Variants in CNKSR2 observed in about 807,000 individuals in gnomAD.
CNKSR2 encodes CNK homolog protein 2.
A neutral mutation model predicts 84.4 loss-of-function variants in CNKSR2; 14 were observed. The ratio of observed to expected loss-of-function variants is 0.17; its 90% CI spans 0.11 to 0.26. The LOEUF (loss-of-function observed/expected upper bound fraction) is 0.26. CNKSR2 is among the 10% of genes least tolerant of loss of function. The probability of loss-of-function intolerance (pLI) is 1.00; values close to 1 mark genes in which losing one functional copy is unlikely to be tolerated. For synonymous variants in CNKSR2, 275 were observed against 277.9 expected (o/e 0.99, Z 0.10); for missense variants, 485 against 771.2 (o/e 0.63, Z 4.40).
intron 11 of CNKSR2, among the ~76,000 whole-genome samples, chrX:21,560,251 AGT>A (rs2092176018): frequency 1.8e-5 from 2 of 111,161 alleles, no homozygotes; most frequent in South Asian, 7.6e-4. Context: ...GACAGGAATG[AGT>A]GTGAGAGAGA....
At chrX:21,588,743 A>G (rs899788958) in intron 13 of CNKSR2, among the ~76,000 whole-genome samples, 4 of 112,097 alleles carry the variant, frequency 3.6e-5, no homozygotes, top group African/African-American at 9.7e-5. Context: ...ATAGCATGCA[A>G]AAAGCATAGA....
chrX:21,578,588 T>C (rs2030526061), intron 13 of CNKSR2, among the ~76,000 whole-genome samples: 1 of 106,981 alleles, frequency 9.3e-6, no homozygotes, highest in African/African-American at 3.4e-5. Context: ...ACACGTTGTA[T>C]ATAAAATTAT....
At chrX:21,441,299 T>C (rs1005939091) in intron 4 of CNKSR2, 2 of 111,283 alleles carry the variant, frequency 1.8e-5, no homozygotes, top group African/African-American at 6.5e-5. Flanking sequence ...TCTACTGTTA[T>C]GTGATGATAT....
chrX:21,380,557 A>G (rs1383535623), intron 1 of CNKSR2, among the ~76,000 whole-genome samples: 2 of 104,736 alleles, frequency 1.9e-5, no homozygotes, highest in Admixed American at 2.1e-4. Flanking sequence ...AGTGATTCTC[A>G]TGCCTCAACC....
At chrX:21,566,854 G>A (rs2092243579) in intron 13 of CNKSR2, among the ~76,000 whole-genome samples, 1 of 111,352 alleles carries the variant, frequency 9.0e-6, no homozygotes, top group African/African-American at 3.3e-5. Context: ...TGGCTTCAGG[G>A]TTCAACTCAT....
intron 4 of CNKSR2, among the ~76,000 whole-genome samples, chrX:21,444,205 A>G (rs1045041206): frequency 8.9e-6 from 1 of 111,821 alleles, no homozygotes; most frequent in African/African-American, 3.2e-5. Flanking sequence ...AAATTTTGTT[A>G]AAATGAATAG....
intron 1 of CNKSR2, among the ~76,000 whole-genome samples, chrX:21,385,665 T>C (rs1235810497): frequency 8.9e-6 from 1 of 112,027 alleles, no homozygotes; most frequent in African/African-American, 3.2e-5. Flanking sequence ...GTTTTAAGTA[T>C]TGATTTCTGA....
At chrX:21,449,303 CA>C (rs11308049) in intron 4 of CNKSR2, among the ~76,000 whole-genome samples, 16,378 of 44,020 alleles carry the variant, frequency 0.37, 2,620 homozygotes, top group African/African-American at 0.64. Context: ...GACTCCGTCT[CA>C]AAAAAAAAAA....
intron 1 of CNKSR2, among the ~76,000 whole-genome samples, chrX:21,386,210 C>T (rs1325578097): frequency 9.0e-6 from 1 of 111,040 alleles, no homozygotes. Context: ...TTGCTACCTG[C>T]ATTTCATTAG....
At chrX:21,572,231 G>A (rs1406895245) in intron 13 of CNKSR2, among the ~76,000 whole-genome samples, 1 of 111,863 alleles carries the variant, frequency 8.9e-6, no homozygotes, top group South Asian at 3.8e-4. Context: ...TTGGCAAAGG[G>A]CTCTGATGAC....
chrX:21,480,599 C>G (rs1003646108), intron 5 of CNKSR2, among the ~76,000 whole-genome samples: 2 of 111,456 alleles, frequency 1.8e-5, no homozygotes, highest in Admixed American at 1.9e-4. Flanking sequence ...TTGAGATTTT[C>G]CCAGATCCAA....
At chrX:21,579,403 A>C (rs1312592350) in intron 13 of CNKSR2, among the ~76,000 whole-genome samples, 1 of 111,634 alleles carries the variant, frequency 9.0e-6, no homozygotes, top group African/African-American at 3.3e-5. Flanking sequence ...AATAAAAATC[A>C]TAAATTATCA....
At chrX:21,410,439 T>C (rs1478776091) in intron 1 of CNKSR2, among the ~76,000 whole-genome samples, 1 of 111,388 alleles carries the variant, frequency 9.0e-6, no homozygotes, top group African/African-American at 3.3e-5. Context: ...AAGTAAAATT[T>C]ACTTCATAGG....
Position 21,480,186 on chromosome X carries a change from A to G in CNKSR2, c.561+9379A>G, listed in dbSNP as rs762662449. Among the ~76,000 whole-genome samples the G allele has an allele frequency of 3.6e-5, 4 of 111,515 alleles. No homozygotes were observed. In the East Asian group the frequency reaches 1.1e-3, roughly 32 times the overall value. ...AAGGATGAATTGAGCTGAGAGCCACAAAACTCATAACTGACACAGTGTGGT... is the reference window on the plus strand; with the variant it reads ...AAGGATGAATTGAGCTGAGAGCCACGAAACTCATAACTGACACAGTGTGGT... On this transcript the variant is annotated intron_variant, in intron 5 of 21. Transcript: ENST00000379510.
At chrX:21,400,796 C>A (rs2090181301) in intron 1 of CNKSR2, among the ~76,000 whole-genome samples, 1 of 111,336 alleles carries the variant, frequency 9.0e-6, no homozygotes, top group African/African-American at 3.2e-5. Context: ...AAAACCAAAT[C>A]AAAATATATA....
chrX:21,421,234 C>G (rs1323964941), intron 1 of CNKSR2, among the ~76,000 whole-genome samples: 1 of 109,509 alleles, frequency 9.1e-6, no homozygotes, highest in Admixed American at 9.8e-5. Flanking sequence ...CTCTAGTCAC[C>G]ACGCTACCAC....
chrX:21,605,141 C>T (rs2092508752), intron 18 of CNKSR2, among the ~76,000 whole-genome samples: 1 of 111,628 alleles, frequency 9.0e-6, no homozygotes, highest in African/African-American at 3.3e-5. Context: ...TAAATAACCA[C>T]CACAAGAGCA....
chrX:21,563,248 A>G lies in CNKSR2; in HGVS notation c.1404A>G (p.Leu468=). The G allele has an allele frequency of 1.7e-6, 2 of 1,201,427 alleles. No individual in the cohort carries two copies. The highest frequency in any genetic ancestry group is 2.3e-6 in the Non-Finnish European group (2 of 888,104). The change falls in exon 13 of 22, where the codon CTA becomes CTG. Residue 468 remains leucine (L), a synonymous_variant. Coordinates refer to ENST00000379510, the MANE Select transcript of CNKSR2 (RefSeq NM_014927.5). The stretch of plus-strand genomic sequence containing the variant: ...TCTCTTTTTATATAGAAAACTCTCT[A>G]CTTCGGTATATGAGCAATGAAAAGA... The part of the protein sequence containing the change: ...MKRDSRRENS[L]LRYMSNEKIA...
chrX:21,502,628 G>T (rs1252137995), intron 8 of CNKSR2, among the ~76,000 whole-genome samples: 2 of 111,001 alleles, frequency 1.8e-5, no homozygotes, highest in African/African-American at 6.5e-5. Context: ...TTTTGGTTTT[G>T]AATAATTTGA....
Sources: gnomAD v4.1 joint callset for allele counts (sites outside exome capture counted in the v4.1 genomes callset) on GRCh38, gnomAD v4.1.1 for gene constraint, MANE v1.5 for transcripts, NCBI Gene and HGNC (gene_info 2026-07-23, HGNC 2026-07-21) for gene names.